Variants in TTLL11 observed in about 807,000 individuals in gnomAD.
TTLL11 encodes tubulin tyrosine ligase like 11.
TTLL11 carries 42 observed loss-of-function variants against 51.7 expected under a neutral mutation model. The observed-to-expected ratio is 0.81, with a 90% CI of 0.64 to 1.05. TTLL11 has a LOEUF of 1.05. TTLL11 is among the 50% of genes least tolerant of loss of function. The pLI, the probability that TTLL11 is intolerant of heterozygous loss-of-function variation, is 0.00. For missense variants in TTLL11, 799 were observed against 940.4 expected, an observed-to-expected ratio of 0.85 and a Z score of 1.97; for synonymous variants, 381 against 383.5, an observed-to-expected ratio of 0.99 and a Z score of 0.08.
In TTLL11 at chr9:122,080,519, C is replaced by CA. The variant is rs545711106; in HGVS notation, c.462+12167dup. Among the ~76,000 whole-genome samples, 555 of 150,080 alleles carry CA rather than the reference C, an allele frequency of 3.7e-3. 5 individuals carry two copies. Among genetic ancestry groups the CA allele is most frequent in the African/African-American group, 0.011 (461 of 40,778 alleles). Reference sequence around the variant, plus strand: ...GCAACATATGGAAACCCCATCTCTACAAAAAAAAATATATATATACAAAAA... The same window carrying CA: ...GCAACATATGGAAACCCCATCTCTACAAAAAAAAAATATATATATACAAAAA... On this transcript the variant is annotated intron_variant, in intron 1 of 8. Transcript: ENST00000321582.
intron 1 of TTLL11, among the ~76,000 whole-genome samples, chr9:122,055,921 C>T (rs931448718): frequency 1.3e-5 from 2 of 152,208 alleles, no homozygotes; most frequent in Non-Finnish European, 2.9e-5. Context: ...GACTGAGCAG[C>T]GAGAAGCCAG....
At chr9:121,970,880 C>G (rs184419148) in intron 6 of TTLL11, among the ~76,000 whole-genome samples, 1 of 152,040 alleles carries the variant, frequency 6.6e-6, no homozygotes, top group South Asian at 2.1e-4. Context: ...AATCTTTCTA[C>G]TATAAAGACA....
chr9:122,074,974 T>C (rs937106845), intron 1 of TTLL11, among the ~76,000 whole-genome samples: 3 of 152,202 alleles, frequency 2.0e-5, no homozygotes, highest in Non-Finnish European at 4.4e-5. Context: ...ATTTGATAGA[T>C]GATTGATGAG....
At chr9:121,927,371 C>T (rs558173648) in intron 6 of TTLL11, among the ~76,000 whole-genome samples, 24 of 152,288 alleles carry the variant, frequency 1.6e-4, no homozygotes, top group African/African-American at 4.6e-4. Context: ...TCAGTTCCTC[C>T]GGGAATTTGA....
intron 4 of TTLL11, among the ~76,000 whole-genome samples, chr9:121,987,602 C>T (rs901106580): frequency 6.6e-6 from 1 of 152,186 alleles, no homozygotes; most frequent in Non-Finnish European, 1.5e-5. Context: ...CAACTCCTTA[C>T]GAGTGGAGAG....
rs1843051500 is a variant in TTLL11 at position 121,989,693 on chromosome 9, A to G, written c.771T>C (p.Asp257=). Residue 257 remains aspartate (D), a synonymous_variant, in exon 4 of 9, where the codon GAT becomes GAC. Transcript: ENST00000321582. This position sits in a 1 kb window ranked among gnomAD's most constrained non-coding sequence, Gnocchi z 4.2. ...IVKPDGGCQG[D]GIYLIKDPSD... Reference sequence around the variant, plus strand: ...TGGGGTCTTTAATGAGGTAGATTCCATCACCCTGACAACCACCATCAGGTT... The same window carrying G: ...TGGGGTCTTTAATGAGGTAGATTCCGTCACCCTGACAACCACCATCAGGTT... The G allele has an allele frequency of 1.2e-6, 2 of 1,613,844 alleles. No individual in the cohort carries two copies. The highest frequency in any genetic ancestry group is 1.7e-5 in the Admixed American group (1 of 60,022).
intron 1 of TTLL11, among the ~76,000 whole-genome samples, chr9:122,067,047 G>T (rs1037927247): frequency 2.0e-5 from 3 of 152,016 alleles, no homozygotes; most frequent in Non-Finnish European, 2.9e-5. Flanking sequence ...GGGATTATGG[G>T]GATTACAATT....
rs186957413 is a variant in TTLL11, at chr9:122,050,798, C to T, written c.463-11430G>A. ...GGGAGACGCCCACATGGTAAGCAAT[C>T]GGAGTCACCTGCCATCAGCCATGTG... On this transcript the variant is annotated intron_variant, in intron 1 of 8. Coordinates refer to ENST00000321582, the MANE Select transcript of TTLL11 (RefSeq NM_001139442.2). Among the ~76,000 whole-genome samples, 921 of 152,268 alleles carry T rather than the reference C, an allele frequency of 6.0e-3. 4 individuals carry two copies. The highest frequency in any genetic ancestry group is 0.01 in the Middle Eastern group (3 of 294).
At chr9:121,944,876 T>C (rs1280951485) in intron 6 of TTLL11, among the ~76,000 whole-genome samples, 1 of 152,122 alleles carries the variant, frequency 6.6e-6, no homozygotes, top group African/African-American at 2.4e-5. Context: ...ATAATAACAT[T>C]TGCAAAGAAC....
intron 1 of TTLL11, among the ~76,000 whole-genome samples, chr9:122,042,679 C>G (rs935248459): frequency 6.6e-6 from 1 of 152,302 alleles, no homozygotes; most frequent in East Asian, 1.9e-4. Flanking sequence ...GCTGAGATGT[C>G]CTTCAGTAGG....
chr9:121,967,110 G>A (rs1224419552), intron 6 of TTLL11, among the ~76,000 whole-genome samples: 1 of 150,890 alleles, frequency 6.6e-6, no homozygotes, highest in African/African-American at 2.4e-5. Flanking sequence ...AGGGTGCCAT[G>A]ATCAGAGATT....
chr9:121,895,667 G>A (rs999470643), intron 6 of TTLL11, among the ~76,000 whole-genome samples: 5 of 137,730 alleles, frequency 3.6e-5, no homozygotes, highest in Non-Finnish European at 7.9e-5. Flanking sequence ...GTGGTTGTGT[G>A]TGTTTATGTG....
chr9:121,961,454 T>C (rs1405501132), intron 6 of TTLL11, among the ~76,000 whole-genome samples: 1 of 151,542 alleles, frequency 6.6e-6, no homozygotes, highest in East Asian at 1.9e-4. Context: ...TGGGAATCTC[T>C]GCCCTATTTA....
At chr9:121,912,113 C>T (rs1188856979) in intron 6 of TTLL11, among the ~76,000 whole-genome samples, 2 of 152,214 alleles carry the variant, frequency 1.3e-5, no homozygotes, top group East Asian at 3.9e-4. Flanking sequence ...AGGGAACTTA[C>T]ATGAATTTTT....
chr9:122,046,147 G>A (rs775337466), intron 1 of TTLL11, among the ~76,000 whole-genome samples: 9 of 152,084 alleles, frequency 5.9e-5, no homozygotes, highest in East Asian at 5.8e-4. Flanking sequence ...GTTTCATGTC[G>A]ACTTGCAATC....
Position 121,989,699 on chromosome 9 carries a change from C to T in TTLL11, c.765G>A (p.Gln255=), listed in dbSNP as rs1323406674. The T allele has an allele frequency of 6.2e-7, 1 of 1,613,544 alleles. No individual in the cohort carries two copies. Among genetic ancestry groups the T allele is most frequent in the Non-Finnish European group, 8.5e-7 (1 of 1,179,628 alleles). ...CTTTAATGAGGTAGATTCCATCACC[C>T]TGACAACCACCATCAGGTTTCACGA... The part of the protein sequence containing the change: ...TFIVKPDGGC[Q]GDGIYLIKDP... The change falls in exon 4 of 9, where the codon CAG becomes CAA. Residue 255 remains glutamine, a synonymous_variant. Coordinates refer to ENST00000321582, the MANE Select transcript of TTLL11 (RefSeq NM_001139442.2). This position sits in a 1 kb window ranked among gnomAD's most constrained non-coding sequence, Gnocchi z 4.2.
At chr9:122,020,889 G>GA (rs35976941) in intron 3 of TTLL11, among the ~76,000 whole-genome samples, 2 of 152,078 alleles carry the variant, frequency 1.3e-5, no homozygotes, top group African/African-American at 4.8e-5. Context: ...GAAACTGTGA[G>GA]AAAAAAAAGT....
chr9:121,945,913 G>C (rs1056786535), intron 6 of TTLL11, among the ~76,000 whole-genome samples: 2 of 152,082 alleles, frequency 1.3e-5, no homozygotes, highest in Non-Finnish European at 2.9e-5. Flanking sequence ...CCTGAACATG[G>C]AGGTAAGATA....
intron 8 of TTLL11, among the ~76,000 whole-genome samples, chr9:121,852,566 C>A (rs1459212530): frequency 1.3e-5 from 2 of 152,052 alleles, no homozygotes; most frequent in Non-Finnish European, 2.9e-5. Flanking sequence ...GGGGGTGGGG[C>A]CAGACGATGG....
Sources: allele counts gnomAD v4.1 joint callset (sites outside exome capture counted in the v4.1 genomes callset), GRCh38; gene constraint gnomAD v4.1.1; non-coding constraint Gnocchi (gnomAD v3.1); transcripts MANE v1.5; gene names NCBI Gene and HGNC (gene_info 2026-07-23, HGNC 2026-07-21).